GYS2: variants seen among roughly 807,000 people sequenced by gnomAD.
GYS2 encodes the protein glycogen synthase 2.
A neutral mutation model predicts 85.6 loss-of-function variants in GYS2; 80 were observed. That is an observed-to-expected ratio of 0.93 (90% CI 0.78 to 1.13). GYS2 has a LOEUF of 1.13. Among genes scored for constraint, GYS2 ranks in the 50% most tolerant of loss-of-function variants. GYS2 has a pLI of 0.00. For missense variants in GYS2, 881 were observed against 854.9 expected, an observed-to-expected ratio of 1.03 and a Z score of -0.38; for synonymous variants, 328 against 300.7, an observed-to-expected ratio of 1.09 and a Z score of -0.94.
rs573849661 is a variant in GYS2, at chr12:21,575,915, G to T, written c.446C>A (p.Ala149Asp). 1 of 1,613,710 alleles carries T rather than the reference G, an allele frequency of 6.2e-7. No homozygotes were observed. Among genetic ancestry groups the T allele is most frequent in the South Asian group, 1.1e-5 (1 of 91,070 alleles). ...SVGIPYHDREANDMLIFGSLT... is the reference protein window; with the variant it reads ...SVGIPYHDREDNDMLIFGSLT... ...AGATCCAAATATCAGCATATCATTG[G>T]CTTCTCGGTCATGATAAGGAATGCC... Residue 149 changes from alanine (A) to aspartate (D), a missense_variant, in exon 3 of 16, where the codon GCC (alanine) becomes GAC (aspartate). Ala to Asp is a moderately radical substitution (Grantham distance 126). Transcript: ENST00000261195.
chr12:21,563,122 AG>A, intron 6 of GYS2, 84 bp from the exon 7 acceptor site: 1 of 1,166,802 alleles, frequency 8.6e-7, no homozygotes, highest in Non-Finnish European at 1.3e-6. Context: ...TAATGTACAA[AG>A]GGGGCTGGGA....
downstream of GYS2, among the ~76,000 whole-genome samples, chr12:21,535,467 T>G (rs562971855): frequency 6.6e-6 from 1 of 152,334 alleles, no homozygotes; most frequent in African/African-American, 2.4e-5. Context: ...TTAATTGGCA[T>G]CCACAGGGCA....
At chr12:21,551,172 C>T (rs1565595243) in intron 11 of GYS2, among the ~76,000 whole-genome samples, 1 of 118,592 alleles carries the variant, frequency 8.4e-6, no homozygotes, top group Non-Finnish European at 1.7e-5. Context: ...CCCCCCACCC[C>T]ACAACAGTCC....
chr12:21,565,021 G>A (rs914444616), intron 5 of GYS2, among the ~76,000 whole-genome samples: 4 of 151,972 alleles, frequency 2.6e-5, no homozygotes, highest in African/African-American at 9.7e-5. Context: ...GTGGATACCA[G>A]CTTATTATGG....
At chr12:21,542,052 C>CTT (rs71053320) in intron 13 of GYS2, among the ~76,000 whole-genome samples, 26,050 of 149,516 alleles carry the variant, frequency 0.17, 2,771 homozygotes, top group East Asian at 0.27. Flanking sequence ...TATAAATCTA[C>CTT]TTTTTTTTTT....
chr12:21,584,303 T>C (rs968728164), intron 1 of GYS2, among the ~76,000 whole-genome samples: 10 of 142,490 alleles, frequency 7.0e-5, no homozygotes, highest in Non-Finnish European at 4.7e-5. Flanking sequence ...ACAAAGAAAT[T>C]TGGGGAAGAG....
chr12:21,567,504 A>G (rs1199702714), intron 5 of GYS2, among the ~76,000 whole-genome samples: 1 of 151,876 alleles, frequency 6.6e-6, no homozygotes, highest in Non-Finnish European at 1.5e-5. Flanking sequence ...GCCACTATTC[A>G]AATTAGTTGG....
intron 1 of GYS2, among the ~76,000 whole-genome samples, chr12:21,587,450 C>G (rs545860996): frequency 2.0e-5 from 3 of 152,268 alleles, no homozygotes; most frequent in African/African-American, 7.2e-5. Flanking sequence ...CTCTCATGCT[C>G]TTCTCGTGAT....
At chr12:21,577,791 T>C (rs1944463334) in intron 2 of GYS2, among the ~76,000 whole-genome samples, 1 of 152,148 alleles carries the variant, frequency 6.6e-6, no homozygotes, top group South Asian at 2.1e-4. Flanking sequence ...GAAGGAAAGT[T>C]ACTGATTTTT....
chr12:21,603,939 A>G (rs981232794), intron 1 of GYS2, among the ~76,000 whole-genome samples: 1 of 152,116 alleles, frequency 6.6e-6, no homozygotes, highest in East Asian at 1.9e-4. Flanking sequence ...TGAAGAAAAA[A>G]ATTACTTTCA....
chr12:21,541,821 G>A (rs1196715498), intron 13 of GYS2, among the ~76,000 whole-genome samples: 1 of 151,972 alleles, frequency 6.6e-6, no homozygotes, highest in Non-Finnish European at 1.5e-5. Context: ...TTAACATAGT[G>A]CCTGGTAGGT....
intron 3 of GYS2, among the ~76,000 whole-genome samples, chr12:21,574,802 C>T (rs7964318): frequency 0.19 from 28,376 of 150,690 alleles, 2,736 homozygotes; most frequent in Middle Eastern, 0.33. Context: ...TTGATATTTA[C>T]TAAAGAAATG....
At chr12:21,549,191 A>G (rs1008122873) in intron 11 of GYS2, among the ~76,000 whole-genome samples, 6 of 152,030 alleles carry the variant, frequency 3.9e-5, no homozygotes, top group Admixed American at 3.9e-4. Context: ...GAATTATCCT[A>G]TTTCTCCCAC....
intron 13 of GYS2, among the ~76,000 whole-genome samples, chr12:21,541,471 CAAT>C (rs753282426): frequency 3.3e-5 from 5 of 151,502 alleles, no homozygotes; most frequent in Non-Finnish European, 7.4e-5. Context: ...GTAATGATAA[CAAT>C]AATAATAATA....
intron 11 of GYS2, among the ~76,000 whole-genome samples, chr12:21,548,216 T>G (rs1580300): frequency 6.6e-6 from 1 of 151,768 alleles, no homozygotes; most frequent in Non-Finnish European, 1.5e-5. Context: ...TGGAGAAAAT[T>G]TTTTTTTTGC....
intron 1 of GYS2, among the ~76,000 whole-genome samples, chr12:21,596,358 C>A (rs548220261): frequency 6.6e-6 from 1 of 151,864 alleles, no homozygotes; most frequent in Non-Finnish European, 1.5e-5. Context: ...TAACAAAATA[C>A]TAGATAACCA....
intron 12 of GYS2, among the ~76,000 whole-genome samples, chr12:21,543,603 G>GT (rs11385998): frequency 0.75 from 113,759 of 151,926 alleles, 42,916 homozygotes; most frequent in South Asian, 0.8. Context: ...TTTACTTTAA[G>GT]TCTGGGACAC....
intron 4 of GYS2, among the ~76,000 whole-genome samples, chr12:21,571,553 C>G (rs1408144341): frequency 2.6e-5 from 4 of 152,192 alleles, no homozygotes; most frequent in African/African-American, 9.7e-5. Flanking sequence ...TAGCTCAAAG[C>G]TTGATCAGAA....
At chr12:21,557,954 G>A (rs1007475922) in intron 11 of GYS2, among the ~76,000 whole-genome samples, 7 of 152,186 alleles carry the variant, frequency 4.6e-5, no homozygotes, top group African/African-American at 1.7e-4. Context: ...CTTATTAGCA[G>A]TATTGTACAG....
Sources: gnomAD v4.1 joint callset for allele counts (sites outside exome capture counted in the v4.1 genomes callset) on GRCh38, gnomAD v4.1.1 for gene constraint, MANE v1.5 for transcripts, NCBI Gene and HGNC (gene_info 2026-07-23, HGNC 2026-07-21) for gene names.